Variants in CAMK2G observed in about 807,000 individuals in gnomAD.
CAMK2G encodes the protein calcium/calmodulin dependent protein kinase II gamma.
Under a neutral mutation model 88.7 loss-of-function variants are expected in CAMK2G, and 23 were observed. The ratio of observed to expected loss-of-function variants is 0.26; its 90% CI spans 0.19 to 0.37. CAMK2G has a LOEUF of 0.37. Ranked by LOEUF, CAMK2G falls within the 10% of genes least tolerant of loss-of-function variation. The pLI, the probability that CAMK2G is intolerant of heterozygous loss-of-function variation, is 1.00. For synonymous variants in CAMK2G, 263 were observed against 294.8 expected, an observed-to-expected ratio of 0.89 and a Z score of 1.11; for missense variants, 476 against 780.8, an observed-to-expected ratio of 0.61 and a Z score of 4.65.
Position 73,847,271 on chromosome 10 carries a change from G to T in CAMK2G, c.773C>A (p.Ala258Glu), listed in dbSNP as rs756351876. ...AGCCTGGTCAGCCGTGATGCGCTTT[G>T]CTGGGTTTATGGTCAGCATCTGGTT... ...LINQMLTINPAKRITADQALK... is the reference protein window; with the variant it reads ...LINQMLTINPEKRITADQALK... Residue 258 changes from alanine to glutamate, a missense_variant, in exon 10 of 23, where the codon GCA (alanine) becomes GAA (glutamate). Ala to Glu is a moderately radical substitution (Grantham distance 107). Transcript: ENST00000423381. 3.1e-5 allele frequency: 50 copies of T among 1,614,074 alleles called. No homozygotes were observed. The highest frequency in any genetic ancestry group is 4.1e-5 in the Non-Finnish European group (48 of 1,180,018).
chr10:73,844,550 G>T (rs1258697321), intron 10 of CAMK2G, among the ~76,000 whole-genome samples: 3 of 152,038 alleles, frequency 2.0e-5, no homozygotes, highest in African/African-American at 7.3e-5. Context: ...TGGGATTATA[G>T]GTGTGTACCA....
intron 15 of CAMK2G, among the ~76,000 whole-genome samples, chr10:73,827,808 C>G (rs1191088816): frequency 6.6e-6 from 1 of 152,196 alleles, no homozygotes; most frequent in African/African-American, 2.4e-5. Flanking sequence ...CTTGCTTGCC[C>G]CAAGTCCCTA....
intron 1 of CAMK2G, chr10:73,873,385 C>T: frequency 7.8e-7 from 1 of 1,275,618 alleles, no homozygotes; most frequent in Middle Eastern, 3.1e-4. Context: ...GCTGAAAACA[C>T]ACACCTGCTG....
intron 19 of CAMK2G, chr10:73,818,807 G>A (rs2086679964): frequency 2.2e-6 from 1 of 456,258 alleles, no homozygotes; most frequent in Non-Finnish European, 4.4e-6. Context: ...GGGGCCCCAC[G>A]GGCGAAGAGG....
chr10:73,816,750 C>T (rs558545457), intron 21 of CAMK2G: 160 of 1,405,386 alleles, frequency 1.1e-4, no homozygotes, highest in Non-Finnish European at 1.4e-4. Context: ...TAAGCCACCG[C>T]GCCCGGCAAG....
In CAMK2G at chr10:73,825,313, G is replaced by A; in HGVS notation, c.1121C>T (p.Pro374Leu). The change falls in exon 16 of 23, where the codon CCA (proline) becomes CTA (leucine). Residue 374 changes from proline to leucine, a missense_variant. By Grantham distance (98) the Pro-to-Leu change is moderately conservative. Transcript: ENST00000423381. ...QSNNKNSLVS[P>L]AQEPAPLQTA... ...CTGCAAGGGCGCGGGCTCTTGGGCT[G>A]GGCTTACGAGACTGTTTTTGTTGTT... 6.2e-7 allele frequency: 1 copy of A among 1,614,010 alleles called. No individual in the cohort carries two copies. Among genetic ancestry groups the A allele is most frequent in the Non-Finnish European group, 8.5e-7 (1 of 1,179,832 alleles).
At chr10:73,829,675 T>TATATA (rs2092021357) in intron 14 of CAMK2G, among the ~76,000 whole-genome samples, 2 of 116,884 alleles carry the variant, frequency 1.7e-5, no homozygotes, top group Non-Finnish European at 3.3e-5. Context: ...AGGAGTTCCC[T>TATATA]TATATTCATA....
rs543756010 is a variant in CAMK2G, at chr10:73,844,324, C to T, written c.820-1783G>A. Among the ~76,000 whole-genome samples the T allele has an allele frequency of 2.6e-5, 4 of 152,048 alleles. No homozygotes were observed. The South Asian group carries it at 8.3e-4, about 32-fold the overall frequency. On this transcript the variant is annotated intron_variant, in intron 10 of 22. Coordinates refer to ENST00000423381, the MANE Select transcript of CAMK2G (RefSeq NM_001367534.1). Reference sequence around the variant, plus strand: ...CAGGCTGGTCTCAAACTTCCGGGCTCAAGTGATCTACCTACCCTGGTCTCC... The same window carrying T: ...CAGGCTGGTCTCAAACTTCCGGGCTTAAGTGATCTACCTACCCTGGTCTCC...
chr10:73,817,380 G>A, intron 20 of CAMK2G, 99 bp downstream of exon 20: 3 of 959,298 alleles, frequency 3.1e-6, no homozygotes, highest in Non-Finnish European at 5.0e-6. Flanking sequence ...TTTGCCCAAG[G>A]TCCAACCTCC....
chr10:73,848,715 A>G lies in CAMK2G; in HGVS notation c.518-106T>C. 2.8e-6 allele frequency: 2 copies of G among 705,438 alleles called. No individual in the cohort carries two copies. The highest frequency in any genetic ancestry group is 2.7e-5 in the East Asian group (1 of 36,858). The allele number at this position is 705,438 out of a possible 1,614,324, so 43.7% of individuals were successfully genotyped here. On this transcript the variant is annotated intron_variant, in intron 7 of 22. Transcript: ENST00000423381. This position sits in a 1 kb window ranked among gnomAD's most constrained non-coding sequence, Gnocchi z 4.5. ...CCATCTTATTCCTGCTGCTTTTGCT[A>G]CATAAACTCTCAGCACATGGGCAGC...
intron 10 of CAMK2G, among the ~76,000 whole-genome samples, chr10:73,844,697 A>G (rs2094097933): frequency 6.6e-6 from 1 of 152,072 alleles, no homozygotes; most frequent in Non-Finnish European, 1.5e-5. Context: ...TGTGAGCCTT[A>G]CATTAAAAGC....
rs1272076477 is a variant in CAMK2G, at chr10:73,848,418, C to T, written c.601+108G>A. 1.2e-5 allele frequency: 9 copies of T among 767,484 alleles called. No individual in the cohort carries two copies. The highest frequency in any genetic ancestry group is 2.1e-5 in the Non-Finnish European group (9 of 433,074). The allele number at this position is 767,484 out of a possible 1,614,324, so 47.5% of individuals were successfully genotyped here. On this transcript the variant is annotated intron_variant, in intron 8 of 22. Transcript: ENST00000423381. This position sits in a 1 kb window ranked among gnomAD's most constrained non-coding sequence, Gnocchi z 4.5. ...GGGGCAAACACCATAATTTCACATA[C>T]ACCAGGCACGTGTGTGACCTGCAAG...
At chr10:73,829,067 A>G (rs542775103) in intron 14 of CAMK2G, among the ~76,000 whole-genome samples, 4 of 152,348 alleles carry the variant, frequency 2.6e-5, no homozygotes, top group African/African-American at 9.6e-5. Flanking sequence ...CCCAGCAAAC[A>G]CTGAGGGCTG....
intron 5 of CAMK2G, among the ~76,000 whole-genome samples, chr10:73,850,425 C>A (rs915453327): frequency 3.3e-5 from 5 of 152,198 alleles, no homozygotes; most frequent in Non-Finnish European, 7.4e-5. Context: ...GCCGCCCGCC[C>A]CCCCCCACCG....
chr10:73,864,232 G>A (rs542773655), intron 2 of CAMK2G, among the ~76,000 whole-genome samples: 3 of 152,048 alleles, frequency 2.0e-5, no homozygotes, highest in Non-Finnish European at 2.9e-5. Context: ...AACCCAGGAG[G>A]TGGAGGCTGC....
intron 6 of CAMK2G, 54 bp downstream of exon 6, chr10:73,849,207 C>G (rs902570930): frequency 2.5e-6 from 4 of 1,572,744 alleles, no homozygotes; most frequent in Admixed American, 3.3e-5. Flanking sequence ...TATCTGGCAC[C>G]AGGTGGCGCC....
In CAMK2G at chr10:73,874,469, G is replaced by C; in HGVS notation, c.-8C>G. 2 of 1,495,054 alleles carry C rather than the reference G, an allele frequency of 1.3e-6. No homozygotes were observed. The highest frequency in any genetic ancestry group is 1.8e-6 in the Non-Finnish European group (2 of 1,111,854). The allele number at this position is 1,495,054 out of a possible 1,614,324, so 92.6% of individuals were successfully genotyped here. ...GGTGGCGGTGGTGGCCATGCTGGCGGGCGGGCGGACGCGGCGGTGCAGCCC... is the reference window on the plus strand; with the variant it reads ...GGTGGCGGTGGTGGCCATGCTGGCGCGCGGGCGGACGCGGCGGTGCAGCCC... On this transcript the variant is annotated 5_prime_UTR_variant, in exon 1 of 23. Transcript: ENST00000423381.
At chr10:73,814,746 T>C (rs543968170) in intron 22 of CAMK2G, 2 of 486,990 alleles carry the variant, frequency 4.1e-6, no homozygotes, top group Non-Finnish European at 3.7e-6. Flanking sequence ...ACTCTCTGCC[T>C]TTCTTTGACA....
At chr10:73,873,413 CG>C in intron 1 of CAMK2G, 1 of 1,187,746 alleles carries the variant, frequency 8.4e-7, no homozygotes. Flanking sequence ...GACAGCCCTG[CG>C]GTCCCGGCCA....
Sources: gnomAD v4.1 joint callset for allele counts (sites outside exome capture counted in the v4.1 genomes callset) on GRCh38, gnomAD v4.1.1 for gene constraint, Gnocchi (gnomAD v3.1) non-coding constraint, MANE v1.5 for transcripts, NCBI Gene and HGNC (gene_info 2026-07-23, HGNC 2026-07-21) for gene names.